MYO16: variants seen among roughly 807,000 people sequenced by gnomAD.
The protein encoded by MYO16 is unconventional myosin-XVI.
MYO16 carries 94 observed loss-of-function variants against 205.3 expected under a neutral mutation model. That is an observed-to-expected ratio of 0.46 (90% CI 0.39 to 0.54). The LOEUF (loss-of-function observed/expected upper bound fraction) is 0.54. MYO16 is among the 20% of genes least tolerant of loss of function. MYO16 has a pLI of 0.00. For missense variants in MYO16, 2,315 were observed against 2,387.5 expected, an observed-to-expected ratio of 0.97 and a Z score of 0.63; for synonymous variants, 988 against 954.0, an observed-to-expected ratio of 1.04 and a Z score of -0.66.
chr13:108,612,715 T>C (rs1246005583), intron 1 of MYO16, among the ~76,000 whole-genome samples: 2 of 151,840 alleles, frequency 1.3e-5, no homozygotes, highest in Non-Finnish European at 2.9e-5. Flanking sequence ...TTGGGAGGGG[T>C]AGGCTCTGAC....
At chr13:109,056,895 G>A (rs1419117877) in intron 27 of MYO16, among the ~76,000 whole-genome samples, 1 of 152,088 alleles carries the variant, frequency 6.6e-6, no homozygotes, top group East Asian at 1.9e-4. Context: ...TATTGCAAGT[G>A]TGAAATCTCG....
the MYO16 span, among the ~76,000 whole-genome samples, chr13:108,588,716 T>G: frequency 6.6e-6 from 1 of 152,150 alleles, no homozygotes; most frequent in South Asian, 2.1e-4. Flanking sequence ...ATGTGTTATG[T>G]GTCATTGCCA....
rs758110464 is a variant in MYO16, at chr13:109,127,274, C to T, written c.3783-8C>T. On this transcript the variant is annotated splice_region_variant and splice_polypyrimidine_tract_variant and intron_variant, in intron 30 of 34. Transcript: ENST00000457511. The surrounding 1 kb of genome is among the most constrained non-coding windows in gnomAD (Gnocchi z 4.2). Reference sequence around the variant, plus strand: ...CGTGGTGCTGTTTGTGTTTTGTTTCCCCCTAAGAACCGATGACAAGAGTGG... The same window carrying T: ...CGTGGTGCTGTTTGTGTTTTGTTTCTCCCTAAGAACCGATGACAAGAGTGG... The T allele has an allele frequency of 3.8e-6, 6 of 1,559,246 alleles. No individual in the cohort carries two copies. Among genetic ancestry groups the T allele is most frequent in the Non-Finnish European group, 5.2e-6 (6 of 1,147,792 alleles).
At chr13:108,926,124 A>G (rs1881989235) in intron 16 of MYO16, among the ~76,000 whole-genome samples, 1 of 152,182 alleles carries the variant, frequency 6.6e-6, no homozygotes, top group Non-Finnish European at 1.5e-5. Flanking sequence ...CTACTCAGAC[A>G]TCCTGTGTTG....
chr13:108,874,159 C>T (rs1879209383), intron 12 of MYO16, among the ~76,000 whole-genome samples: 1 of 151,826 alleles, frequency 6.6e-6, no homozygotes, highest in Non-Finnish European at 1.5e-5. Flanking sequence ...GTGTGTAACC[C>T]TAATTGGCAA....
chr13:109,110,324 T>C (rs2139735816), intron 28 of MYO16, among the ~76,000 whole-genome samples: 1 of 152,372 alleles, frequency 6.6e-6, no homozygotes, highest in East Asian at 1.9e-4. Context: ...CAATATGATT[T>C]CCATAATGAA....
intron 22 of MYO16, among the ~76,000 whole-genome samples, chr13:109,013,111 C>CCCA (rs1167478923): frequency 3.1e-5 from 1 of 32,538 alleles, no homozygotes; most frequent in Admixed American, 3.1e-4. Context: ...CTACCCCTCC[C>CCCA]CCACCCCCCC....
intron 6 of MYO16, among the ~76,000 whole-genome samples, chr13:108,796,886 T>A (rs902065634): frequency 6.6e-6 from 1 of 151,766 alleles, no homozygotes; most frequent in East Asian, 1.9e-4. Context: ...AACCTGCACG[T>A]TGTGCACATG....
At chr13:109,016,705 A>G (rs1055371120) in intron 22 of MYO16, among the ~76,000 whole-genome samples, 1 of 151,928 alleles carries the variant, frequency 6.6e-6, no homozygotes, top group Non-Finnish European at 1.5e-5. Context: ...TCTCTTTACC[A>G]TTATGTAATG....
At chr13:108,774,180 A>G (rs1049537739) in intron 4 of MYO16, among the ~76,000 whole-genome samples, 5 of 152,252 alleles carry the variant, frequency 3.3e-5, no homozygotes, top group African/African-American at 1.2e-4. Context: ...AACAATTGAC[A>G]AGTATATTCT....
chr13:108,702,656 T>A (rs1260875227), intron 2 of MYO16, among the ~76,000 whole-genome samples: 1 of 152,148 alleles, frequency 6.6e-6, no homozygotes, highest in Non-Finnish European at 1.5e-5. Context: ...GTATTGCCTA[T>A]TTTTGTTACT....
chr13:108,657,458 T>C (rs1308529102), intron 1 of MYO16, among the ~76,000 whole-genome samples: 1 of 152,250 alleles, frequency 6.6e-6, no homozygotes, highest in Non-Finnish European at 1.5e-5. Flanking sequence ...TTGTTTAATT[T>C]TATCTGCAGC....
chr13:109,053,262 A>G (rs1289907923), intron 25 of MYO16, among the ~76,000 whole-genome samples: 1 of 152,130 alleles, frequency 6.6e-6, no homozygotes, highest in Non-Finnish European at 1.5e-5. Context: ...AAATAAAAGC[A>G]TAATTAAATT....
At chr13:108,771,529 T>C (rs1166313391) in intron 4 of MYO16, among the ~76,000 whole-genome samples, 1 of 152,084 alleles carries the variant, frequency 6.6e-6, no homozygotes, top group Admixed American at 6.5e-5. Flanking sequence ...AACATTAGGG[T>C]TCATTCTTGG....
chr13:108,778,126 T>A lies in MYO16; in HGVS notation c.508-7509T>A, dbSNP rs1020769705. Among the ~76,000 whole-genome samples, 7 of 152,348 alleles carry A rather than the reference T, an allele frequency of 4.6e-5. No homozygotes were observed. In the South Asian group the frequency reaches 6.2e-4, roughly 14 times the overall value. Reference sequence around the variant, plus strand: ...ACTTTCCCCAGACGATACTGGGATTTCACTCTAGGCATGAATCTAGCAGAA... The same window carrying A: ...ACTTTCCCCAGACGATACTGGGATTACACTCTAGGCATGAATCTAGCAGAA... On this transcript the variant is annotated intron_variant, in intron 4 of 34. Coordinates refer to ENST00000457511, the MANE Select transcript of MYO16 (RefSeq NM_001198950.3).
At chr13:108,573,520 A>G in the MYO16 span, among the ~76,000 whole-genome samples, 1 of 152,324 alleles carries the variant, frequency 6.6e-6, no homozygotes, top group South Asian at 2.1e-4. Context: ...ACTGCATAGC[A>G]AAATTATCAT....
chr13:109,046,375 A>C (rs1477033285), intron 23 of MYO16, among the ~76,000 whole-genome samples: 1 of 152,250 alleles, frequency 6.6e-6, no homozygotes, highest in South Asian at 2.1e-4. Flanking sequence ...TGATAAAATT[A>C]TAACATCCTT....
rs749751675 is a variant in MYO16 at position 109,165,051 on chromosome 13, T to C, written c.5315T>C (p.Ile1772Thr). The change falls in exon 33 of 35, where the codon ATC (isoleucine) becomes ACC (threonine). Residue 1772 changes from isoleucine to threonine, a missense_variant. Transcript: ENST00000457511. ...SAITAENGNS[I>T]SNGLPEEDGY... ...ATAACTGCTGAAAATGGAAATTCCA[T>C]CTCAAATGGTAAGCACTTTTTAAAC... 4.4e-6 allele frequency: 7 copies of C among 1,593,718 alleles called. No homozygotes were observed. The South Asian group carries it at 4.6e-5, about 10-fold the overall frequency.
chr13:109,093,917 A>G (rs1199671910), intron 27 of MYO16, among the ~76,000 whole-genome samples: 1 of 152,050 alleles, frequency 6.6e-6, no homozygotes, highest in African/African-American at 2.4e-5. Flanking sequence ...CCTCACACCC[A>G]GGAATCAGGG....
Sources: allele counts gnomAD v4.1 joint callset (sites outside exome capture counted in the v4.1 genomes callset), GRCh38; gene constraint gnomAD v4.1.1; non-coding constraint Gnocchi (gnomAD v3.1); transcripts MANE v1.5; gene names NCBI Gene and HGNC (gene_info 2026-07-23, HGNC 2026-07-21).